The following MOB3B variants were observed in gnomAD, a reference collection of about 807,000 sequenced individuals.
MOB3B encodes MOB kinase activator-like 2B.
Under a neutral mutation model 18.7 loss-of-function variants are expected in MOB3B, and 7 were observed. That is an observed-to-expected ratio of 0.37 (90% CI 0.21 to 0.70). MOB3B has a LOEUF of 0.70. Among genes scored for constraint, MOB3B ranks in the 30% least tolerant of loss-of-function variants. The pLI is 0.52. For missense variants in MOB3B, 253 were observed against 281.3 expected, an observed-to-expected ratio of 0.90 and a Z score of 0.72; for synonymous variants, 111 against 99.9, an observed-to-expected ratio of 1.11 and a Z score of -0.66.
Position 27,359,156 on chromosome 9 carries a change from T to C in MOB3B, c.499A>G (p.Ile167Val). ...RLFRVFVHVY[I>V]HHFDRVIVMG... ...ACAATGACCCGGTCGAAGTGGTGGA[T>C]ATAGACGTGGACAAAGACCCGGAAA... Residue 167 changes from isoleucine (I) to valine (V), a missense_variant, in exon 3 of 4, where the codon ATC (isoleucine) becomes GTC (valine). By Grantham distance (29) the Ile-to-Val change is conservative (BLOSUM62 3). Coordinates refer to ENST00000262244, the MANE Select transcript of MOB3B (RefSeq NM_024761.5). The C allele has an allele frequency of 6.2e-7, 1 of 1,614,056 alleles. No homozygotes were observed. Among genetic ancestry groups the C allele is most frequent in the Non-Finnish European group, 8.5e-7 (1 of 1,180,010 alleles).
At chr9:27,518,315 T>C (rs1358220699) in intron 1 of MOB3B, among the ~76,000 whole-genome samples, 1 of 152,198 alleles carries the variant, frequency 6.6e-6, no homozygotes, top group African/African-American at 2.4e-5. Context: ...GGATGTGATC[T>C]AGGAAAAAAA....
intron 2 of MOB3B, among the ~76,000 whole-genome samples, chr9:27,362,787 G>C (rs1821291988): frequency 6.6e-6 from 1 of 152,158 alleles, no homozygotes; most frequent in Non-Finnish European, 1.5e-5. Context: ...ACATGCATTT[G>C]AAAAATTCTT....
chr9:27,399,009 G>T (rs185564616), intron 2 of MOB3B, among the ~76,000 whole-genome samples: 129 of 151,324 alleles, frequency 8.5e-4, no homozygotes, highest in African/African-American at 3.0e-3. Context: ...CAGGGGGGTG[G>T]GAAACAGACT....
rs536917839 is a variant in MOB3B at position 27,529,753 on chromosome 9, C to A, written c.-397G>T. 2.6e-5 allele frequency: 26 copies of A among 985,350 alleles called. No homozygotes were observed. Among genetic ancestry groups the A allele is most frequent in the African/African-American group, 1.0e-4 (6 of 57,238 alleles). 61.0% of individuals were successfully genotyped at this position (985,350 alleles called of 1,614,324 possible). A position where few individuals can be genotyped will look rare whatever the true frequency, so the allele number is the denominator to read the frequency against. ...AGCGCCTGGCTCCAGCTGCAGCCGC[C>A]GTCGCTCCGGAGCAGCCCCCTCATG... On this transcript the variant is annotated 5_prime_UTR_variant, in exon 1 of 4. Transcript: ENST00000262244.
intron 2 of MOB3B, among the ~76,000 whole-genome samples, chr9:27,398,470 T>A (rs11791503): frequency 0.092 from 13,942 of 152,246 alleles, 670 homozygotes; most frequent in South Asian, 0.12. Context: ...GAATTGAAGA[T>A]CACAGTAGAC....
At chr9:27,489,123 C>T (rs7033736) in intron 1 of MOB3B, among the ~76,000 whole-genome samples, 2,202 of 152,342 alleles carry the variant, frequency 0.014, 56 homozygotes, top group African/African-American at 0.05. Context: ...TCCAGCTTTT[C>T]GCTGGTGCTT....
At chr9:27,420,804 AG>A (rs1159805736) in intron 2 of MOB3B, among the ~76,000 whole-genome samples, 2 of 151,200 alleles carry the variant, frequency 1.3e-5, no homozygotes, top group South Asian at 2.1e-4. Flanking sequence ...GAAGAGTGGG[AG>A]GGGGACAAGG....
Position 27,478,638 on chromosome 9 carries a change from AAC to A in MOB3B, c.-198-22892_-198-22891del, listed in dbSNP as rs1473367969. On this transcript the variant is annotated intron_variant, in intron 1 of 3. Coordinates refer to ENST00000262244, the MANE Select transcript of MOB3B (RefSeq NM_024761.5). ...CAAAAAATGTGAAAGAGAGGTTATA[AAC>A]ACAGAGAGTAAATTGGGGAAATAAA... Among the ~76,000 whole-genome samples, 32 of 152,324 alleles carry A rather than the reference AAC, an allele frequency of 2.1e-4. No homozygotes were observed. In the East Asian group the frequency reaches 5.0e-3, roughly 24 times the overall value.
chr9:27,445,930 G>A (rs1822683745), intron 2 of MOB3B, among the ~76,000 whole-genome samples: 2 of 152,140 alleles, frequency 1.3e-5, no homozygotes, highest in African/African-American at 4.8e-5. Context: ...ATTCTTCGCT[G>A]CTCTCCAGTC....
rs570918592 is a variant in MOB3B, at chr9:27,475,465, T to A, written c.-198-19717A>T. Among the ~76,000 whole-genome samples the A allele has an allele frequency of 2.3e-4, 35 of 152,362 alleles. No individual in the cohort carries two copies. In the South Asian group the frequency reaches 6.0e-3, roughly 26 times the overall value. ...ACAGCTGTTTAAGCCTCATTGTTTA[T>A]AATCACATACAAAAGGAAACAACCA... is the stretch of plus-strand genomic sequence containing the variant. On this transcript the variant is annotated intron_variant, in intron 1 of 3. Coordinates refer to ENST00000262244, the MANE Select transcript of MOB3B (RefSeq NM_024761.5).
chr9:27,338,875 G>T (rs144743648), intron 3 of MOB3B, among the ~76,000 whole-genome samples: 13 of 152,300 alleles, frequency 8.5e-5, no homozygotes, highest in African/African-American at 2.9e-4. Flanking sequence ...CTCCCACCCC[G>T]ACTCCGGTGG....
At chr9:27,364,019 A>G (rs1319366750) in intron 2 of MOB3B, among the ~76,000 whole-genome samples, 14 of 152,202 alleles carry the variant, frequency 9.2e-5, no homozygotes, top group African/African-American at 3.4e-4. Flanking sequence ...TGCTGGGATT[A>G]CACGTGTGAG....
chr9:27,517,604 T>A (rs112636152), intron 1 of MOB3B, among the ~76,000 whole-genome samples: 1,839 of 117,934 alleles, frequency 0.016, 31 homozygotes, highest in South Asian at 0.033. Flanking sequence ...GCAGAGATCA[T>A]GCCACTGCAC....
intron 1 of MOB3B, among the ~76,000 whole-genome samples, chr9:27,492,583 A>T (rs138430220): frequency 1.3e-3 from 198 of 152,340 alleles, no homozygotes; most frequent in African/African-American, 4.3e-3. Context: ...AATAGGATTT[A>T]ACCATTTACC....
chr9:27,455,708 C>T lies in MOB3B; in HGVS notation c.-158G>A, dbSNP rs1479545764. 3 of 1,472,990 alleles carry T rather than the reference C, an allele frequency of 2.0e-6. No homozygotes were observed. The highest frequency in any genetic ancestry group is 2.8e-5 in the African/African-American group (2 of 70,866). The allele number at this position is 1,472,990 out of a possible 1,614,324, so 91.2% of individuals were successfully genotyped here. On this transcript the variant is annotated 5_prime_UTR_variant, in exon 2 of 4. Transcript: ENST00000262244. The stretch of plus-strand genomic sequence containing the variant: ...AGCTCTTCTAAACAGCCCCTTCCAT[C>T]TTCCTCTTGAATGATTTCCAAGGGA...
chr9:27,388,406 T>C (rs1312219172), intron 2 of MOB3B, among the ~76,000 whole-genome samples: 2 of 152,198 alleles, frequency 1.3e-5, no homozygotes, highest in African/African-American at 2.4e-5. Context: ...GTTATTACCT[T>C]TATTTTTAGT....
chr9:27,357,886 T>TCCAAAAAAAAAAAAAAAAAA (rs1563849115), intron 3 of MOB3B, among the ~76,000 whole-genome samples: 2 of 25,316 alleles, frequency 7.9e-5, no homozygotes, highest in Admixed American at 6.9e-4. Flanking sequence ...ATCCCATCGC[T>TCCAAAAAAAAAAAAAAAAAA]ACAAAAAAAA....
At chr9:27,488,072 T>C (rs1393341590) in intron 1 of MOB3B, among the ~76,000 whole-genome samples, 1 of 152,144 alleles carries the variant, frequency 6.6e-6, no homozygotes, top group African/African-American at 2.4e-5. Flanking sequence ...ATCATGATGA[T>C]TATTTATCTG....
intron 1 of MOB3B, among the ~76,000 whole-genome samples, chr9:27,482,448 G>A (rs1465831575): frequency 1.3e-5 from 2 of 152,226 alleles, no homozygotes; most frequent in African/African-American, 2.4e-5. Flanking sequence ...AAAGAATGGA[G>A]AGGAGGAAGA....
Sources: allele counts gnomAD v4.1 joint callset (sites outside exome capture counted in the v4.1 genomes callset), GRCh38; gene constraint gnomAD v4.1.1; transcripts MANE v1.5; gene names NCBI Gene and HGNC (gene_info 2026-07-23, HGNC 2026-07-21).